The following SORBS3 variants were observed in gnomAD, a reference collection of about 807,000 sequenced individuals.
SORBS3 encodes sorbin and SH3 domain containing 3.
A neutral mutation model predicts 98.0 loss-of-function variants in SORBS3; 69 were observed. The ratio of observed to expected loss-of-function variants is 0.70; its 90% CI spans 0.58 to 0.86. The LOEUF is 0.86. Ranked by LOEUF, SORBS3 falls within the 40% of genes least tolerant of loss-of-function variation. The pLI, the probability that SORBS3 is intolerant of heterozygous loss-of-function variation, is 0.00. For missense variants in SORBS3, 954 were observed against 908.5 expected (o/e 1.05, Z -0.64); for synonymous variants, 394 against 355.4 (o/e 1.11, Z -1.22).
chr8:22,572,263 G>A, intron 19 of SORBS3, 77 bp from the exon 20 acceptor site: 1 of 1,161,190 alleles, frequency 8.6e-7, no homozygotes, highest in Non-Finnish European at 1.3e-6. Flanking sequence ...GGACCCTGGG[G>A]CATTCACAGG....
chr8:22,554,327 T>C lies in SORBS3; in HGVS notation c.-55-125T>C. On this transcript the variant is annotated intron_variant, in intron 1 of 20. Coordinates refer to ENST00000240123, the MANE Select transcript of SORBS3 (RefSeq NM_005775.5). The surrounding 1 kb of genome is among the most constrained non-coding windows in gnomAD (Gnocchi z 6.5). Reference sequence around the variant, plus strand: ...TGGCCTGTTTCCTGGGTCCTTGAGCTAGTACCCAGCTGGTCCTGACCCCCT... The same window carrying C: ...TGGCCTGTTTCCTGGGTCCTTGAGCCAGTACCCAGCTGGTCCTGACCCCCT... 3 of 1,003,826 alleles carry C rather than the reference T, an allele frequency of 3.0e-6. No individual in the cohort carries two copies. The highest frequency in any genetic ancestry group is 4.2e-6 in the Non-Finnish European group (3 of 715,566). 62.2% of individuals were successfully genotyped at this position (1,003,826 alleles called of 1,614,324 possible).
Position 22,571,149 on chromosome 8 carries a change from C to T in SORBS3, c.1671C>T (p.Asp557=), listed in dbSNP as rs61738841. The T allele has an allele frequency of 2.8e-3, 4,389 of 1,594,712 alleles. 34 individuals are homozygous for T. Among genetic ancestry groups the T allele is most frequent in the South Asian group, 0.012 (1,084 of 90,740 alleles). The change falls in exon 18 of 21, where the codon GAC becomes GAT. Residue 557 remains aspartate, a synonymous_variant. Coordinates refer to ENST00000240123, the MANE Select transcript of SORBS3 (RefSeq NM_005775.5). ...SALRSPADPI[D]LGGQTSPRRT... is the part of the protein sequence containing the mutation. ...TGCGCAGCCCAGCTGACCCCATCGA[C>T]TTGGGGGGACAGACCTCCCCCCGTC... is the stretch of plus-strand genomic sequence containing the variant.
chr8:22,557,990 C>A, intron 4 of SORBS3, 139 bp from the exon 5 acceptor site: 2 of 773,722 alleles, frequency 2.6e-6, no homozygotes, highest in South Asian at 1.4e-5. Flanking sequence ...AAAGAGATCG[C>A]AAGAGAAGCA....
At position 22,554,284 on chromosome 8, in the gene SORBS3, G is replaced by C; in HGVS notation, c.-55-168G>C. 1 of 589,286 alleles carries C rather than the reference G, an allele frequency of 1.7e-6. No individual in the cohort carries two copies. The highest frequency in any genetic ancestry group is 2.7e-6 in the Non-Finnish European group (1 of 365,404). 36.5% of individuals were successfully genotyped at this position (589,286 alleles called of 1,614,324 possible). ...GGGAGCCGGCAGGCACGGGCAGCCT[G>C]CAGGCGGGTGCCTGGCGTGGCCTGT... On this transcript the variant is annotated intron_variant, in intron 1 of 20. Coordinates refer to ENST00000240123, the MANE Select transcript of SORBS3 (RefSeq NM_005775.5). The surrounding 1 kb of genome is among the most constrained non-coding windows in gnomAD (Gnocchi z 6.5).
At position 22,571,127 on chromosome 8, in the gene SORBS3, G is replaced by A. The variant is rs34059820; in HGVS notation, c.1649G>A (p.Arg550His). The A allele has an allele frequency of 3.0e-3, 4,800 of 1,605,436 alleles. 11 individuals are homozygous for A. Among genetic ancestry groups the A allele is most frequent in the Middle Eastern group, 4.1e-3 (25 of 6,046 alleles). ...ARHPSSPSAL[R>H]SPADPIDLGG... is the part of the protein sequence containing the mutation. ...CACCCCAGCTCCCCCTCAGCCCTGC[G>A]CAGCCCAGCTGACCCCATCGACTTG... is the stretch of plus-strand genomic sequence containing the variant. Residue 550 changes from arginine (R) to histidine (H), a missense_variant, in exon 18 of 21, where the codon CGC (arginine) becomes CAC (histidine). Arg to His is a conservative substitution (Grantham distance 29). Transcript: ENST00000240123.
At chr8:22,564,673 G>A (rs1840367687) in intron 10 of SORBS3, 152 bp downstream of exon 10, 1 of 1,367,202 alleles carries the variant, frequency 7.3e-7, no homozygotes, top group Non-Finnish European at 9.8e-7. Context: ...ACTCAGGACA[G>A]TGGCTGGCAT....
intron 6 of SORBS3, 108 bp downstream of exon 6, chr8:22,561,481 T>G (rs773831232): frequency 8.0e-7 from 1 of 1,253,376 alleles, no homozygotes; most frequent in South Asian, 1.2e-5. Flanking sequence ...TCCAGTTGGC[T>G]CAGTTCAACC....
rs199661630 is a variant in SORBS3 at position 22,569,242 on chromosome 8, G to C, written c.1400G>C (p.Gly467Ala). The C allele has an allele frequency of 1.2e-6, 2 of 1,603,862 alleles. No individual in the cohort carries two copies. Among genetic ancestry groups the C allele is most frequent in the South Asian group, 1.1e-5 (1 of 89,566 alleles). The change falls in exon 17 of 21, where the codon GGG (glycine) becomes GCG (alanine). Residue 467 changes from glycine to alanine, a missense_variant. By Grantham distance (60) the Gly-to-Ala change is moderately conservative. Transcript: ENST00000240123. The part of the protein sequence containing the change: ...GEAVAQYTFK[G>A]DLEVELSFRK... Reference sequence around the variant, plus strand: ...GCTGTGGCCCAGTACACCTTCAAGGGGGACCTGGAGGTGGAGCTGTCCTTC... The same window carrying C: ...GCTGTGGCCCAGTACACCTTCAAGGCGGACCTGGAGGTGGAGCTGTCCTTC...
intron 16 of SORBS3, among the ~76,000 whole-genome samples, chr8:22,568,701 G>C (rs1840487866): frequency 6.6e-6 from 1 of 152,192 alleles, no homozygotes. Context: ...CTCCGGCTGG[G>C]GTAGATGGGG....
chr8:22,556,913 G>C lies in SORBS3; in HGVS notation c.414+5G>C. The C allele has an allele frequency of 6.2e-7, 1 of 1,612,158 alleles. No homozygotes were observed. Among genetic ancestry groups the C allele is most frequent in the Non-Finnish European group, 8.5e-7 (1 of 1,179,978 alleles). On this transcript the variant is annotated splice_donor_5th_base_variant and intron_variant, in intron 4 of 20. Coordinates refer to ENST00000240123, the MANE Select transcript of SORBS3 (RefSeq NM_005775.5). ...ATGCCCATTGCCCCCCGATCCGTGA[G>C]TCCAGGGCTGGGGGCCACGGAGAGA...
intron 20 of SORBS3, 152 bp downstream of exon 20, chr8:22,572,598 T>A: frequency 1.5e-6 from 1 of 665,930 alleles, no homozygotes; most frequent in Non-Finnish European, 2.6e-6. Context: ...TGGCACCCGA[T>A]GCTTCCCCAA....
At chr8:22,552,930 C>G (rs1563812578) in intron 1 of SORBS3, among the ~76,000 whole-genome samples, 1 of 152,194 alleles carries the variant, frequency 6.6e-6, no homozygotes, top group African/African-American at 2.4e-5. Flanking sequence ...AGCCTCAGCC[C>G]TCCACTCCCC....
chr8:22,565,405 G>A (rs1266933711), intron 11 of SORBS3, 51 bp downstream of exon 11: 1 of 1,426,752 alleles, frequency 7.0e-7, no homozygotes, highest in Admixed American at 2.2e-5. Context: ...CCGCAGGGTC[G>A]GGGCGAGCCG....
chr8:22,548,751 G>A (rs553474533), upstream of SORBS3, among the ~76,000 whole-genome samples: 295 of 152,230 alleles, frequency 1.9e-3, no homozygotes, highest in African/African-American at 6.7e-3. Flanking sequence ...AACTGAGTCC[G>A]GGTTCATGTC....
At chr8:22,550,915 C>T (rs76134611), upstream of SORBS3, among the ~76,000 whole-genome samples, 12,686 of 152,298 alleles carry the variant, frequency 0.083, 586 homozygotes, top group Non-Finnish European at 0.097. Context: ...TTTCCACGGT[C>T]CTTCAATGTT....
chr8:22,560,411 G>T (rs551986304), intron 5 of SORBS3, among the ~76,000 whole-genome samples: 1 of 152,296 alleles, frequency 6.6e-6, no homozygotes, highest in African/African-American at 2.4e-5. Context: ...TGGATGCTTA[G>T]AAGTTTGAGA....
At chr8:22,562,981 C>T (rs1421206574) in intron 7 of SORBS3, among the ~76,000 whole-genome samples, 4 of 152,010 alleles carry the variant, frequency 2.6e-5, no homozygotes, top group Admixed American at 6.6e-5. Flanking sequence ...TAGCCGGGCG[C>T]GGTGGCGGGT....
chr8:22,566,677 C>A lies in SORBS3; in HGVS notation c.1107C>A (p.Asn369Lys). The A allele has an allele frequency of 6.2e-7, 1 of 1,608,906 alleles. No individual in the cohort carries two copies. Among genetic ancestry groups the A allele is most frequent in the Non-Finnish European group, 8.5e-7 (1 of 1,178,452 alleles). ...TCTCCACAGACCCTAGTGCCTCTAA[C>A]GGAGGGGGCAGCCCAGCCAGGAGGG... ...PSSTRDPSASNGGGSPARREE... is the reference protein window; with the variant it reads ...PSSTRDPSASKGGGSPARREE... Residue 369 changes from asparagine to lysine, a missense_variant, in exon 14 of 21, where the codon AAC becomes AAA. Asn to Lys is a moderately conservative substitution (Grantham distance 94, BLOSUM62 0). Coordinates refer to ENST00000240123, the MANE Select transcript of SORBS3 (RefSeq NM_005775.5).
At chr8:22,547,265 G>A (rs1016609932), upstream of SORBS3, among the ~76,000 whole-genome samples, 1 of 151,110 alleles carries the variant, frequency 6.6e-6, no homozygotes, top group African/African-American at 2.4e-5. Flanking sequence ...ATATTAACCT[G>A]TTGCTCCATC....
Sources: allele counts gnomAD v4.1 joint callset (sites outside exome capture counted in the v4.1 genomes callset), GRCh38; gene constraint gnomAD v4.1.1; non-coding constraint Gnocchi (gnomAD v3.1); transcripts MANE v1.5; gene names NCBI Gene and HGNC (gene_info 2026-07-23, HGNC 2026-07-21).